Variants in HIP1R observed in about 807,000 individuals in gnomAD.
HIP1R encodes the protein huntingtin interacting protein 1 related.
In HIP1R, 135 loss-of-function variants were observed where a neutral mutation model predicts 144.2. The ratio of observed to expected loss-of-function variants is 0.94; its 90% CI spans 0.81 to 1.08. HIP1R has a LOEUF of 1.08. Ranked by LOEUF, HIP1R falls within the 50% of genes least tolerant of loss-of-function variation. The probability of loss-of-function intolerance (pLI) is 0.00; values close to 1 mark genes in which losing one functional copy is unlikely to be tolerated. For synonymous variants in HIP1R, 698 were observed against 612.8 expected (o/e 1.14, Z -2.05); for missense variants, 1,462 against 1,432.8 (o/e 1.02, Z -0.33).
Position 122,849,877 on chromosome 12 carries a change from A to G in HIP1R, c.360A>G (p.Gly120=). 1 of 1,612,244 alleles carries G rather than the reference A, an allele frequency of 6.2e-7. No homozygotes were observed. Among genetic ancestry groups the G allele is most frequent in the South Asian group, 1.1e-5 (1 of 91,024 alleles). ...TCACCCTGTCTGTCTTCACACAGGG[A>G]CATTTGCATGACCGCTACGGACAGC... ...SNIREIGDLW[G]HLHDRYGQLV... Residue 120 remains glycine (G), a splice_region_variant and synonymous_variant, in exon 5 of 32, where the codon GGA becomes GGG. Coordinates refer to ENST00000253083, the MANE Select transcript of HIP1R (RefSeq NM_003959.3).
In HIP1R at chr12:122,854,895, C is replaced by T. The variant is rs186971602; in HGVS notation, c.719-10C>T. The T allele has an allele frequency of 6.2e-7, 1 of 1,612,210 alleles. No individual in the cohort carries two copies. Among genetic ancestry groups the T allele is most frequent in the East Asian group, 2.2e-5 (1 of 44,880 alleles). ...CAGAGAAGTCCTGTTACACTTGTGC[C>T]ACCCTCCAGGTCTCCCTGCGGACAC... On this transcript the variant is annotated splice_polypyrimidine_tract_variant and intron_variant, in intron 8 of 31. Coordinates refer to ENST00000253083, the MANE Select transcript of HIP1R (RefSeq NM_003959.3).
rs1308659018 is a variant in HIP1R at position 122,861,380 on chromosome 12, T to C, written c.3025T>C (p.Tyr1009His). Residue 1009 changes from tyrosine (Y) to histidine (H), a missense_variant, in exon 31 of 32, where the codon TAC (tyrosine) becomes CAC (histidine). Physicochemically the swap from Tyr to His is moderately conservative, Grantham distance 83. This residue lies in a region of HIP1R where 1,112 missense variants were observed against 1,011.7 expected (regional missense o/e 1.10). Transcript: ENST00000253083. ...MRLGELRKQH[Y>H]VLAGASGSPG... The stretch of plus-strand genomic sequence containing the variant: ...GCTGGGGGAGTTGCGGAAGCAACAC[T>C]ACGTGCTGGCTGGGGCATCAGGCAG... The C allele has an allele frequency of 1.9e-6, 3 of 1,613,542 alleles. No homozygotes were observed. Among genetic ancestry groups the C allele is most frequent in the Non-Finnish European group, 2.5e-6 (3 of 1,179,922 alleles).
Position 122,854,903 on chromosome 12 carries a change from A to G in HIP1R, c.719-2A>G. Reference sequence around the variant, plus strand: ...TCCTGTTACACTTGTGCCACCCTCCAGGTCTCCCTGCGGACACCCTGCAAG... The same window carrying G: ...TCCTGTTACACTTGTGCCACCCTCCGGGTCTCCCTGCGGACACCCTGCAAG... On this transcript the variant is annotated splice_acceptor_variant, in intron 8 of 31. Coordinates refer to ENST00000253083, the MANE Select transcript of HIP1R (RefSeq NM_003959.3). LOFTEE classifies it high-confidence loss of function. 6.2e-7 allele frequency: 1 copy of G among 1,612,596 alleles called. No individual in the cohort carries two copies. The highest frequency in any genetic ancestry group is 8.5e-7 in the Non-Finnish European group (1 of 1,179,518).
intron 7 of HIP1R, among the ~76,000 whole-genome samples, chr12:122,853,272 C>T (rs1237322119): frequency 1.7e-5 from 2 of 117,844 alleles, no homozygotes; most frequent in Admixed American, 1.6e-4. Context: ...GAGACGGGCC[C>T]TGGGGGTGTC....
chr12:122,860,473 A>G lies in HIP1R; in HGVS notation c.2610A>G (p.Glu870=). Residue 870 remains glutamate (E), a synonymous_variant, in exon 27 of 32, where the codon GAA becomes GAG. Coordinates refer to ENST00000253083, the MANE Select transcript of HIP1R (RefSeq NM_003959.3). ...EFYAKNSRWT[E]GLISASKAVG... ...ACGCCAAGAACTCGCGCTGGACCGA[A>G]GGCCTCATCTCGGCCTCCAAGGCTG... 1 of 1,613,246 alleles carries G rather than the reference A, an allele frequency of 6.2e-7. No individual in the cohort carries two copies. Among genetic ancestry groups the G allele is most frequent in the Non-Finnish European group, 8.5e-7 (1 of 1,179,962 alleles).
intron 17 of HIP1R, 35 bp downstream of exon 17, chr12:122,856,761 T>TG (rs1566112196): frequency 2.9e-5 from 44 of 1,502,222 alleles, no homozygotes; most frequent in Middle Eastern, 2.3e-4. Context: ...GGTGGGGTTC[T>TG]GGGGCCAGTC....
chr12:122,851,143 C>A, intron 6 of HIP1R, 93 bp from the exon 7 acceptor site: 1 of 1,140,418 alleles, frequency 8.8e-7, no homozygotes, highest in Non-Finnish European at 1.2e-6. Flanking sequence ...ATGGTGTCGG[C>A]GGTGCCCCCG....
chr12:122,835,432 C>G (rs2032851312), upstream of HIP1R: 4 of 1,137,796 alleles, frequency 3.5e-6, no homozygotes, highest in Admixed American at 5.0e-5. Context: ...CGGGCTCCTC[C>G]CCGGCGGGCG....
intron 1 of HIP1R, among the ~76,000 whole-genome samples, chr12:122,838,023 G>A: frequency 7.5e-6 from 1 of 132,954 alleles, no homozygotes; most frequent in Admixed American, 7.1e-5. Flanking sequence ...TGTGTGCTGT[G>A]GCAGGAGCAC....
intron 29 of HIP1R, 36 bp downstream of exon 29, chr12:122,861,075 C>T (rs574978814): frequency 4.6e-5 from 75 of 1,613,548 alleles, no homozygotes; most frequent in Admixed American, 6.7e-5. Context: ...TGCTGGCTCC[C>T]GAGGCTGAAT....
intron 1 of HIP1R, 67 bp from the exon 2 acceptor site, chr12:122,847,964 C>A: frequency 6.8e-7 from 1 of 1,475,256 alleles, no homozygotes; most frequent in Non-Finnish European, 9.4e-7. Flanking sequence ...GTGCTTCTCC[C>A]CCTTGGGGTG....
chr12:122,854,446 C>T (rs1269622013), intron 8 of HIP1R, among the ~76,000 whole-genome samples: 2 of 152,078 alleles, frequency 1.3e-5, no homozygotes, highest in Non-Finnish European at 2.9e-5. Flanking sequence ...GACGGAGGCC[C>T]CAGCTGCTCC....
rs201322516 is a variant in HIP1R, at chr12:122,858,480, T to G, written c.2050+45T>G. 3.5e-4 allele frequency: 523 copies of G among 1,474,088 alleles called. 3 individuals carry two copies. The highest frequency in any genetic ancestry group is 3.0e-3 in the Middle Eastern group (15 of 5,034). 91.3% of individuals were successfully genotyped at this position (1,474,088 alleles called of 1,614,324 possible). A position where few individuals can be genotyped will look rare whatever the true frequency, so the allele number is the denominator to read the frequency against. On this transcript the variant is annotated intron_variant, in intron 20 of 31. Transcript: ENST00000253083. Reference sequence around the variant, plus strand: ...GGCGGAGGCGGGGGCTGTGTCCCAGTTCCAGCGCCCATGGCCACCTCTTGC... The same window carrying G: ...GGCGGAGGCGGGGGCTGTGTCCCAGGTCCAGCGCCCATGGCCACCTCTTGC...
intron 17 of HIP1R, 64 bp downstream of exon 17, chr12:122,856,790 C>T: frequency 2.2e-6 from 3 of 1,383,280 alleles, no homozygotes; most frequent in Non-Finnish European, 2.0e-6. Flanking sequence ...AAGTCAGGTC[C>T]TCTTTCCCGT....
chr12:122,857,394 C>G, intron 18 of HIP1R, 179 bp downstream of exon 18: 1 of 657,146 alleles, frequency 1.5e-6, no homozygotes, highest in Non-Finnish European at 2.7e-6. Context: ...CACATCATAG[C>G]CTGTGTCATT....
chr12:122,859,839 C>A lies in HIP1R; in HGVS notation c.2465+9C>A. The A allele has an allele frequency of 6.2e-7, 1 of 1,611,442 alleles. No homozygotes were observed. The highest frequency in any genetic ancestry group is 8.5e-7 in the Non-Finnish European group (1 of 1,179,062). ...CTGGAGGTGAACGAGAGGTGAGCCC[C>A]CCTTCTGTCCCCCCAGGCCCAGCCG... On this transcript the variant is annotated intron_variant, in intron 24 of 31. Coordinates refer to ENST00000253083, the MANE Select transcript of HIP1R (RefSeq NM_003959.3).
chr12:122,860,613 G>C (rs140165361), intron 27 of HIP1R, 66 bp from the exon 28 acceptor site: 46 of 1,553,068 alleles, frequency 3.0e-5, no homozygotes, highest in Non-Finnish European at 3.5e-5. Flanking sequence ...AGTAGAGGGG[G>C]TGTGGAGTGG....
In HIP1R at chr12:122,859,412, C is replaced by T. The variant is rs557459283; in HGVS notation, c.2296-14C>T. ...GGACGGAGGCTACCCCTGTCTGACT[C>T]CCATCCTCACCAGGAACTGAAACCC... On this transcript the variant is annotated splice_polypyrimidine_tract_variant and intron_variant, in intron 22 of 31. Transcript: ENST00000253083. The T allele has an allele frequency of 1.9e-6, 3 of 1,606,912 alleles. No homozygotes were observed. Among genetic ancestry groups the T allele is most frequent in the African/African-American group, 2.7e-5 (2 of 74,872 alleles).
chr12:122,861,368 C>A lies in HIP1R; in HGVS notation c.3013C>A (p.Arg1005=), dbSNP rs368669549. The part of the protein sequence containing the change: ...EAERMRLGEL[R]KQHYVLAGAS... ...TGAACGCATGCGGCTGGGGGAGTTG[C>A]GGAAGCAACACTACGTGCTGGCTGG... The change falls in exon 31 of 32, where the codon CGG becomes AGG. Residue 1005 remains arginine (R), a synonymous_variant. Transcript: ENST00000253083. The A allele has an allele frequency of 6.2e-7, 1 of 1,613,540 alleles. No homozygotes were observed. Among genetic ancestry groups the A allele is most frequent in the Non-Finnish European group, 8.5e-7 (1 of 1,179,926 alleles).
Sources: allele counts gnomAD v4.1 joint callset (sites outside exome capture counted in the v4.1 genomes callset), GRCh38; gene constraint gnomAD v4.1.1; regional missense constraint gnomAD v4.1.1; transcripts MANE v1.5; gene names NCBI Gene and HGNC (gene_info 2026-07-23, HGNC 2026-07-21).